The following DGKI variants were observed in gnomAD, a reference collection of about 807,000 sequenced individuals.
DGKI encodes DAG kinase iota.
Under a neutral mutation model 147.5 loss-of-function variants are expected in DGKI, and 55 were observed. That is an observed-to-expected ratio of 0.37 (90% CI 0.30 to 0.47). DGKI has a LOEUF of 0.47. Among genes scored for constraint, DGKI ranks in the 20% least tolerant of loss-of-function variants. DGKI has a pLI of 1.00. For missense variants in DGKI, 1,007 were observed against 1,323.8 expected, an observed-to-expected ratio of 0.76 and a Z score of 3.71; for synonymous variants, 469 against 477.1, an observed-to-expected ratio of 0.98 and a Z score of 0.22.
intron 1 of DGKI, among the ~76,000 whole-genome samples, chr7:137,824,385 A>G (rs954423479): frequency 1.3e-5 from 2 of 152,016 alleles, no homozygotes; most frequent in East Asian, 1.9e-4. Context: ...GCATGGTGGC[A>G]CATGTCTGTA....
intron 1 of DGKI, among the ~76,000 whole-genome samples, chr7:137,821,269 A>G (rs1360462244): frequency 6.6e-6 from 1 of 152,318 alleles, no homozygotes; most frequent in Non-Finnish European, 1.5e-5. Context: ...GATGGCTGCA[A>G]GGTAAATGAT....
At chr7:137,569,587 G>A (rs1017674779) in intron 19 of DGKI, among the ~76,000 whole-genome samples, 4 of 151,280 alleles carry the variant, frequency 2.6e-5, no homozygotes, top group Non-Finnish European at 5.9e-5. Context: ...AAATTAGCCG[G>A]GCGTGGTGGT....
At chr7:137,626,412 C>T (rs1176166197) in intron 6 of DGKI, among the ~76,000 whole-genome samples, 7 of 151,642 alleles carry the variant, frequency 4.6e-5, no homozygotes, top group African/African-American at 1.7e-4. Context: ...TACTACAGGG[C>T]CAGCAACAAC....
intron 2 of DGKI, among the ~76,000 whole-genome samples, chr7:137,687,150 C>T (rs777099504): frequency 2.0e-5 from 3 of 152,088 alleles, no homozygotes; most frequent in Non-Finnish European, 4.4e-5. Context: ...GGACCCTCGT[C>T]GTCCCTGCTG....
chr7:137,439,162 C>T, intron 28 of DGKI, among the ~76,000 whole-genome samples: 1 of 152,100 alleles, frequency 6.6e-6, no homozygotes, highest in Non-Finnish European at 1.5e-5. Context: ...GAGCAGATAA[C>T]ATTTTATATA....
At chr7:137,444,313 A>G (rs1813627683) in intron 27 of DGKI, among the ~76,000 whole-genome samples, 1 of 152,206 alleles carries the variant, frequency 6.6e-6, no homozygotes, top group South Asian at 2.1e-4. Context: ...TTACTAAAAT[A>G]TCAGTCTATG....
chr7:137,509,850 C>T (rs192337016), intron 21 of DGKI, among the ~76,000 whole-genome samples: 23 of 152,266 alleles, frequency 1.5e-4, no homozygotes, highest in Non-Finnish European at 2.6e-4. Context: ...CACAACCCCT[C>T]AGGAGTTAGT....
rs1368482197 is a variant in DGKI, at chr7:137,678,461, C to A, written c.606+96G>T. 3.4e-6 allele frequency: 4 copies of A among 1,165,348 alleles called. 1 individual carries two copies. In the South Asian group the frequency reaches 3.7e-5, roughly 11 times the overall value. 72.2% of individuals were successfully genotyped at this position (1,165,348 alleles called of 1,614,324 possible). On this transcript the variant is annotated intron_variant, in intron 3 of 32. Transcript: ENST00000614521. ...AAGTTTTCCATCTCACAAGGACAGG[C>A]TCGTTCAAACCTCCCCTTGGAAATT... is the stretch of plus-strand genomic sequence containing the variant.
Position 137,461,756 on chromosome 7 carries a change from T to C in DGKI, c.2735+1733A>G, listed in dbSNP as rs185467636. Among the ~76,000 whole-genome samples, 69 of 152,234 alleles carry C rather than the reference T, an allele frequency of 4.5e-4. No individual in the cohort carries two copies. The East Asian group carries it at 0.011, about 24-fold the overall frequency. ...TGTTTTCAAAGTAATTTTTCAGGTT[T>C]TTTTAAAAAGTGTCTACTACTCTAG... On this transcript the variant is annotated intron_variant, in intron 27 of 32. Coordinates refer to ENST00000614521, the MANE Select transcript of DGKI (RefSeq NM_001321708.2).
At chr7:137,502,596 C>T (rs577353295) in intron 21 of DGKI, among the ~76,000 whole-genome samples, 22 of 152,122 alleles carry the variant, frequency 1.4e-4, no homozygotes, top group African/African-American at 4.8e-4. Context: ...AAATAACCTA[C>T]GTTCACATAA....
intron 1 of DGKI, among the ~76,000 whole-genome samples, chr7:137,762,341 G>A (rs1210064664): frequency 6.6e-6 from 1 of 152,212 alleles, no homozygotes; most frequent in Non-Finnish European, 1.5e-5. Flanking sequence ...TAATGATCAG[G>A]TAAGTTTGGA....
intron 1 of DGKI, among the ~76,000 whole-genome samples, chr7:137,780,963 G>A (rs981331048): frequency 6.6e-6 from 1 of 152,150 alleles, no homozygotes; most frequent in Admixed American, 6.5e-5. Context: ...GGCAGACAGA[G>A]GGCTTCACAT....
At position 137,638,460 on chromosome 7, in the gene DGKI, ATGTG is replaced by A. The variant is rs769902492; in HGVS notation, c.804+7008_804+7011del. On this transcript the variant is annotated intron_variant, in intron 6 of 32. Transcript: ENST00000614521. ...TATATATATACACACACACATATATATGTGTGTATATATGTGTGTATATATATAC... is the reference window on the plus strand; with the variant it reads ...TATATATATACACACACACATATATATGTATATATGTGTGTATATATATAC... Among the ~76,000 whole-genome samples, 66 of 50,664 alleles carry A rather than the reference ATGTG, an allele frequency of 1.3e-3. 1 individual carries two copies. The highest frequency in any genetic ancestry group is 3.7e-3 in the African/African-American group (59 of 16,164). 33.2% of individuals were successfully genotyped at this position (50,664 alleles called of 152,430 possible).
chr7:137,585,197 A>G lies in DGKI; in HGVS notation c.1563+12T>C, dbSNP rs774411171. ...CCAGGGCTCCTTTCTGCAGAACAAAAAACTCTCTAACCTTACATACGCCAT... is the reference window on the plus strand; with the variant it reads ...CCAGGGCTCCTTTCTGCAGAACAAAGAACTCTCTAACCTTACATACGCCAT... On this transcript the variant is annotated intron_variant, in intron 14 of 32. Transcript: ENST00000614521. The G allele has an allele frequency of 6.2e-7, 1 of 1,613,830 alleles. No individual in the cohort carries two copies. Among genetic ancestry groups the G allele is most frequent in the South Asian group, 1.1e-5 (1 of 91,036 alleles).
chr7:137,814,158 G>A (rs1008368386), intron 1 of DGKI, among the ~76,000 whole-genome samples: 12 of 152,138 alleles, frequency 7.9e-5, no homozygotes, highest in African/African-American at 2.7e-4. Context: ...TGAGGAATGG[G>A]AGGAGGAAGC....
chr7:137,521,743 C>G (rs553243407), intron 21 of DGKI, 123 bp downstream of exon 21: 2 of 710,136 alleles, frequency 2.8e-6, no homozygotes, highest in East Asian at 5.8e-5. Context: ...CTGTGTTTCA[C>G]TTCACTTCTC....
At chr7:137,451,984 T>C (rs893680677) in intron 27 of DGKI, among the ~76,000 whole-genome samples, 1 of 152,232 alleles carries the variant, frequency 6.6e-6, no homozygotes, top group Non-Finnish European at 1.5e-5. Flanking sequence ...CAATAGATTA[T>C]CCATTAGTCT....
In DGKI at chr7:137,628,658, G is replaced by A. The variant is rs149645952; in HGVS notation, c.805-5104C>T. Among the ~76,000 whole-genome samples, 5 of 152,298 alleles carry A rather than the reference G, an allele frequency of 3.3e-5. No homozygotes were observed. In the East Asian group the frequency reaches 9.7e-4, roughly 29 times the overall value. ...CAGTACCGTCAAAGAGGAAAATAGG[G>A]ATGGGAGGCCAGATGCTTTGGATCC... On this transcript the variant is annotated intron_variant, in intron 6 of 32. Coordinates refer to ENST00000614521, the MANE Select transcript of DGKI (RefSeq NM_001321708.2).
At chr7:137,441,723 G>GC (rs1229625810) in intron 28 of DGKI, among the ~76,000 whole-genome samples, 1 of 152,128 alleles carries the variant, frequency 6.6e-6, no homozygotes, top group Non-Finnish European at 1.5e-5. Flanking sequence ...TTTGAGGAAA[G>GC]CAAACAAAAT....
Sources: gnomAD v4.1 joint callset for allele counts (sites outside exome capture counted in the v4.1 genomes callset) on GRCh38, gnomAD v4.1.1 for gene constraint, MANE v1.5 for transcripts, NCBI Gene and HGNC (gene_info 2026-07-23, HGNC 2026-07-21) for gene names.